Variants in BBX observed in about 807,000 individuals in gnomAD.
The protein encoded by BBX is BBX high mobility group box domain containing, also known as HMG box transcription factor BBX.
In BBX, 30 loss-of-function variants were observed where a neutral mutation model predicts 100.2. The ratio of observed to expected loss-of-function variants is 0.30; its 90% CI spans 0.22 to 0.41. The LOEUF is 0.41. Among genes scored for constraint, BBX ranks in the 10% least tolerant of loss-of-function variants. The pLI is 1.00. For missense variants in BBX, 1,023 were observed against 1,129.8 expected (o/e 0.91, Z 1.35); for synonymous variants, 376 against 388.1 (o/e 0.97, Z 0.37).
At chr3:107,660,725 A>G (rs1014590676) in intron 3 of BBX, among the ~76,000 whole-genome samples, 3 of 152,138 alleles carry the variant, frequency 2.0e-5, no homozygotes, top group African/African-American at 7.2e-5. Context: ...ACTTTTATCA[A>G]AGGAGCTTTT....
chr3:107,602,172 C>G (rs1406141574), intron 2 of BBX, among the ~76,000 whole-genome samples: 1 of 152,168 alleles, frequency 6.6e-6, no homozygotes, highest in African/African-American at 2.4e-5. Flanking sequence ...GACTATGTAC[C>G]TAGTCACACA....
At chr3:107,660,380 T>C (rs1416833352) in intron 3 of BBX, among the ~76,000 whole-genome samples, 2 of 151,970 alleles carry the variant, frequency 1.3e-5, no homozygotes, top group Non-Finnish European at 2.9e-5. Context: ...TTAGTCTCTT[T>C]CCTGCATTGT....
At chr3:107,731,689 C>T (rs1438455513) in intron 6 of BBX, among the ~76,000 whole-genome samples, 1 of 151,166 alleles carries the variant, frequency 6.6e-6, no homozygotes, top group Non-Finnish European at 1.5e-5. Context: ...CTTTTTTTTA[C>T]TACCTCAGAA....
intron 2 of BBX, among the ~76,000 whole-genome samples, chr3:107,584,063 TCATATATTATATA>T (rs1559839814): frequency 5.9e-5 from 1 of 16,808 alleles, no homozygotes; most frequent in African/African-American, 2.9e-4. Flanking sequence ...ATTATATATA[TCATATATTATATA>T]TATTATATAT....
intron 3 of BBX, among the ~76,000 whole-genome samples, chr3:107,688,964 A>G (rs1559972970): frequency 2.0e-5 from 3 of 152,332 alleles, no homozygotes; most frequent in South Asian, 4.1e-4. Context: ...AAGGGAAGCT[A>G]TAATGTGATA....
rs1436757865 is a variant in BBX at position 107,773,319 on chromosome 3, C to T, written c.1598C>T (p.Ser533Leu). ...AAGCCACCAAAGAAAAAAGTGAAAT[C>T]AAGAGAGAAGAAAATGTCAAAGGAG... Reference protein sequence around the residue: ...DAKPPKKKVKSREKKMSKEKS... With the variant: ...DAKPPKKKVKLREKKMSKEKS... The change falls in exon 11 of 18, where the codon TCA (serine) becomes TTA (leucine). Residue 533 changes from serine to leucine, a missense_variant. Physicochemically the swap from Ser to Leu is moderately radical, Grantham distance 145. Transcript: ENST00000325805. This position sits in a 1 kb window ranked among gnomAD's most constrained non-coding sequence, Gnocchi z 4.1. 6.2e-7 allele frequency: 1 copy of T among 1,613,966 alleles called. No individual in the cohort carries two copies. The highest frequency in any genetic ancestry group is 1.3e-5 in the African/African-American group (1 of 74,896).
intron 7 of BBX, among the ~76,000 whole-genome samples, chr3:107,737,901 T>G (rs1228109820): frequency 2.1e-5 from 3 of 142,672 alleles, no homozygotes; most frequent in African/African-American, 5.2e-5. Flanking sequence ...TTTTTTTTTT[T>G]TTTTTTTTTT....
rs548739036 is a variant in BBX at position 107,691,372 on chromosome 3, G to C, written c.-9-19080G>C. 7.2e-5 allele frequency among the ~76,000 whole-genome samples: 11 copies of C among 152,218 alleles called. No homozygotes were observed. The South Asian group carries it at 2.3e-3, about 32-fold the overall frequency. ...AAATAAGGTTTTAGTACTTGGCTCT[G>C]GTTGGAGCACATTCATTCTAAACAC... On this transcript the variant is annotated intron_variant, in intron 3 of 17. Transcript: ENST00000325805.
chr3:107,703,384 C>G (rs2061201458), intron 3 of BBX, among the ~76,000 whole-genome samples: 1 of 152,128 alleles, frequency 6.6e-6, no homozygotes, highest in African/African-American at 2.4e-5. Context: ...TTCAAGGTAG[C>G]TTTCGTCTCT....
chr3:107,706,958 C>T (rs766734464), intron 3 of BBX, among the ~76,000 whole-genome samples: 3 of 152,128 alleles, frequency 2.0e-5, no homozygotes, highest in Non-Finnish European at 4.4e-5. Context: ...TTTCCCTTCA[C>T]TGTTTTGCCT....
chr3:107,595,452 G>A (rs1371257468), intron 2 of BBX, among the ~76,000 whole-genome samples: 1 of 152,172 alleles, frequency 6.6e-6, no homozygotes. Flanking sequence ...GTTTCAGACA[G>A]GGTGAACCAA....
At position 107,801,162 on chromosome 3, in the gene BBX, A is replaced by T. The variant is rs199832268; in HGVS notation, c.2619A>T (p.Lys873Asn). 24 of 1,614,228 alleles carry T rather than the reference A, an allele frequency of 1.5e-5. No individual in the cohort carries two copies. In the East Asian group the frequency reaches 5.1e-4, roughly 34 times the overall value. The change falls in exon 17 of 18, where the codon AAA becomes AAT. Residue 873 changes from lysine (K) to asparagine (N), a missense_variant. Coordinates refer to ENST00000325805, the MANE Select transcript of BBX (RefSeq NM_001142568.3). ...PKATETDCND[K>N]CSHNTEVGET... ...CAACTGAGACAGACTGCAATGACAA[A>T]TGCTCACACAACACCGAGGTCGGGG...
At chr3:107,689,796 T>C (rs578170093) in intron 3 of BBX, among the ~76,000 whole-genome samples, 11 of 152,326 alleles carry the variant, frequency 7.2e-5, no homozygotes, top group African/African-American at 2.6e-4. Flanking sequence ...GTAAATGTAT[T>C]GATTAAAAAC....
intron 4 of BBX, among the ~76,000 whole-genome samples, chr3:107,713,491 C>T (rs760760046): frequency 2.6e-5 from 4 of 152,044 alleles, no homozygotes; most frequent in African/African-American, 4.8e-5. Context: ...TAATGAGCTC[C>T]TGGGGAAAGA....
chr3:107,677,141 T>TG (rs2107959323), intron 3 of BBX, among the ~76,000 whole-genome samples: 1 of 152,300 alleles, frequency 6.6e-6, no homozygotes, highest in South Asian at 2.1e-4. Flanking sequence ...AAACATAGCA[T>TG]GACATTGGTA....
chr3:107,632,004 A>G (rs189928314), intron 2 of BBX, among the ~76,000 whole-genome samples: 49 of 152,310 alleles, frequency 3.2e-4, no homozygotes, highest in Non-Finnish European at 5.7e-4. Flanking sequence ...AGCACTGGCA[A>G]TCAAGAGCTG....
At chr3:107,685,140 G>T (rs910705225) in intron 3 of BBX, among the ~76,000 whole-genome samples, 6 of 152,146 alleles carry the variant, frequency 3.9e-5, no homozygotes, top group African/African-American at 1.2e-4. Flanking sequence ...AGTTTTAGGA[G>T]CCAGGGTGTT....
At chr3:107,774,431 G>A (rs1349466972) in intron 11 of BBX, among the ~76,000 whole-genome samples, 1 of 152,098 alleles carries the variant, frequency 6.6e-6, no homozygotes, top group African/African-American at 2.4e-5. Flanking sequence ...CCCATACCTT[G>A]GCTGGTTTTT....
intron 2 of BBX, among the ~76,000 whole-genome samples, chr3:107,583,760 C>G (rs1052321032): frequency 1.4e-5 from 2 of 144,182 alleles, no homozygotes; most frequent in Non-Finnish European, 3.1e-5. Flanking sequence ...TCATTATAGC[C>G]TGGTTTCTGA....
Sources: allele counts gnomAD v4.1 joint callset (sites outside exome capture counted in the v4.1 genomes callset), GRCh38; gene constraint gnomAD v4.1.1; non-coding constraint Gnocchi (gnomAD v3.1); transcripts MANE v1.5; gene names NCBI Gene and HGNC (gene_info 2026-07-23, HGNC 2026-07-21).